The following CHEK1 variants were observed in gnomAD, a reference collection of about 807,000 sequenced individuals.
CHEK1 encodes checkpoint kinase 1.
CHEK1 carries 32 observed loss-of-function variants against 60.2 expected under a neutral mutation model. That is an observed-to-expected ratio of 0.53 (90% CI 0.40 to 0.71). CHEK1 has a LOEUF of 0.71. Ranked by LOEUF, CHEK1 falls within the 30% of genes least tolerant of loss-of-function variation. CHEK1 has a pLI of 0.00. For missense variants in CHEK1, 399 were observed against 564.6 expected (o/e 0.71, Z 2.97); for synonymous variants, 179 against 187.2 (o/e 0.96, Z 0.36).
rs1349659251 is a variant in CHEK1, at chr11:125,625,557, C to G, written c.-476C>G. Reference sequence around the variant, plus strand: ...TGATCCTCACAGTCCTGTCCGGTGGCCTCACGCAGGTGGCGGTGCAGCCTT... The same window carrying G: ...TGATCCTCACAGTCCTGTCCGGTGGGCTCACGCAGGTGGCGGTGCAGCCTT... On this transcript the variant is annotated 5_prime_UTR_variant, in exon 1 of 13. Coordinates refer to ENST00000438015, the MANE Select transcript of CHEK1 (RefSeq NM_001114122.3). 8 of 587,694 alleles carry G rather than the reference C, an allele frequency of 1.4e-5. No individual in the cohort carries two copies. Among genetic ancestry groups the G allele is most frequent in the Non-Finnish European group, 2.4e-5 (8 of 329,108 alleles). 36.4% of individuals were successfully genotyped at this position (587,694 alleles called of 1,614,324 possible).
chr11:125,655,114 A>G, intron 12 of CHEK1, 111 bp from the exon 13 acceptor site: 1 of 722,804 alleles, frequency 1.4e-6, no homozygotes, highest in South Asian at 1.9e-5. Flanking sequence ...GTAGCTAGAC[A>G]TACCTAAAGA....
intron 6 of CHEK1, 141 bp downstream of exon 6, chr11:125,633,492 A>G (rs1235628886): frequency 3.0e-6 from 2 of 663,544 alleles, no homozygotes; most frequent in East Asian, 6.8e-5. Flanking sequence ...ACTCTTGGCC[A>G]GACTGGAGTA....
intron 8 of CHEK1, among the ~76,000 whole-genome samples, chr11:125,640,866 C>A (rs1455226941): frequency 6.6e-6 from 1 of 152,084 alleles, no homozygotes; most frequent in South Asian, 2.1e-4. Flanking sequence ...TGGGCTTAAG[C>A]AATCCACCCA....
intron 8 of CHEK1, among the ~76,000 whole-genome samples, chr11:125,638,989 C>G (rs1004924693): frequency 2.0e-5 from 3 of 152,152 alleles, no homozygotes; most frequent in Non-Finnish European, 4.4e-5. Context: ...TCTGGACTTG[C>G]AATTAATTAA....
rs1323581880 is a variant in CHEK1 at position 125,656,306 on chromosome 11, G to C, written c.*986G>C. 4.7e-6 allele frequency: 1 copy of C among 211,914 alleles called. No individual in the cohort carries two copies. Among genetic ancestry groups the C allele is most frequent in the East Asian group, 7.0e-5 (1 of 14,206 alleles). 13.1% of individuals were successfully genotyped at this position (211,914 alleles called of 1,614,324 possible). A position where few individuals can be genotyped will look rare whatever the true frequency, so the allele number is the denominator to read the frequency against. On this transcript the variant is annotated 3_prime_UTR_variant, in exon 13 of 13. Coordinates refer to ENST00000438015, the MANE Select transcript of CHEK1 (RefSeq NM_001114122.3). ...TTTGAGGCTGTAGTGAGCTATGATT[G>C]CACCAGTGCACTCCAGCTTGGATGA...
chr11:125,644,425 A>G, intron 10 of CHEK1, 87 bp from the exon 11 acceptor site: 2 of 1,526,156 alleles, frequency 1.3e-6, no homozygotes, highest in Non-Finnish European at 1.8e-6. Flanking sequence ...CTTCATGCAA[A>G]ATAATTTTAA....
chr11:125,677,901 G>C (rs760524369), downstream of CHEK1: 8 of 1,613,994 alleles, frequency 5.0e-6, no homozygotes, highest in Admixed American at 1.7e-5. Context: ...CTGTTCACCG[G>C]AGCCATGTTC....
At chr11:125,631,884 AAAAAG>A (rs1246701815) in intron 5 of CHEK1, among the ~76,000 whole-genome samples, 2 of 150,914 alleles carry the variant, frequency 1.3e-5, no homozygotes, top group Non-Finnish European at 3.0e-5. Context: ...AAAAAAAAAA[AAAAAG>A]GGTAATCACA....
chr11:125,626,417 A>AC (rs1355853733), intron 1 of CHEK1: 2 of 433,006 alleles, frequency 4.6e-6, no homozygotes, highest in Non-Finnish European at 8.3e-6. Flanking sequence ...TCTTCCCCAG[A>AC]CCCCCACCTC....
At chr11:125,645,967 A>G (rs1941485622) in intron 11 of CHEK1, among the ~76,000 whole-genome samples, 1 of 152,182 alleles carries the variant, frequency 6.6e-6, no homozygotes, top group Admixed American at 6.5e-5. Context: ...GTAGACTCAG[A>G]GATAAAATTT....
At chr11:125,626,994 A>T (rs966458206) in intron 2 of CHEK1, among the ~76,000 whole-genome samples, 161 bp downstream of exon 2, 3 of 149,252 alleles carry the variant, frequency 2.0e-5, no homozygotes, top group African/African-American at 7.4e-5. Context: ...CCTTCCCTTT[A>T]AAAAAAAAAG....
chr11:125,628,025 T>A (rs994063391), intron 3 of CHEK1, among the ~76,000 whole-genome samples, 195 bp downstream of exon 3: 3 of 152,214 alleles, frequency 2.0e-5, no homozygotes, highest in Non-Finnish European at 4.4e-5. Context: ...AAAGAAAACT[T>A]CTTTCCCAAG....
chr11:125,649,027 G>T (rs753536178), intron 11 of CHEK1, among the ~76,000 whole-genome samples: 111 of 152,136 alleles, frequency 7.3e-4, no homozygotes, highest in Non-Finnish European at 1.4e-3. Context: ...GTGTTTACCA[G>T]GCTGGCCTTG....
downstream of CHEK1, among the ~76,000 whole-genome samples, chr11:125,677,641 T>G (rs1189132649): frequency 6.6e-6 from 1 of 152,206 alleles, no homozygotes. Flanking sequence ...CCTCTTGGTA[T>G]GATTGTGACG....
At position 125,626,795 on chromosome 11, in the gene CHEK1, G is replaced by A. The variant is rs1940632258; in HGVS notation, c.27G>A (p.Trp9Ter). 6.2e-7 allele frequency: 1 copy of A among 1,614,006 alleles called. No homozygotes were observed. The highest frequency in any genetic ancestry group is 8.5e-7 in the Non-Finnish European group (1 of 1,180,030). MAVPFVED[W>*]DLVQTLGEGA... ...TGGCAGTGCCCTTTGTGGAAGACTGGGACTTGGTGCAAACCCTGGGAGAAG... is the reference window on the plus strand; with the variant it reads ...TGGCAGTGCCCTTTGTGGAAGACTGAGACTTGGTGCAAACCCTGGGAGAAG... The change falls in exon 2 of 13, where the codon TGG becomes TGA. Residue 9 changes from tryptophan (W) to a stop codon, truncating the protein, a stop_gained. Coordinates refer to ENST00000438015, the MANE Select transcript of CHEK1 (RefSeq NM_001114122.3). LOFTEE classifies it high-confidence loss of function.
At chr11:125,675,529 C>T (rs939199904) in intron 13 of CHEK1, among the ~76,000 whole-genome samples, 2 of 152,126 alleles carry the variant, frequency 1.3e-5, no homozygotes, top group African/African-American at 4.8e-5. Context: ...AGGAGTCAGG[C>T]AGTGTGGTTC....
intron 7 of CHEK1, among the ~76,000 whole-genome samples, chr11:125,636,296 A>G (rs1190585406): frequency 2.0e-5 from 3 of 152,186 alleles, no homozygotes; most frequent in African/African-American, 7.2e-5. Flanking sequence ...GTAGGTCTAC[A>G]TCGTTGGTTT....
chr11:125,644,748 C>T, intron 11 of CHEK1, 105 bp downstream of exon 11: 2 of 1,276,336 alleles, frequency 1.6e-6, no homozygotes, highest in South Asian at 3.1e-5. Context: ...GTGGCTCACA[C>T]CTGTAATCCC....
intron 13 of CHEK1, among the ~76,000 whole-genome samples, chr11:125,669,820 G>A (rs768947012): frequency 4.6e-5 from 7 of 152,028 alleles, no homozygotes; most frequent in Non-Finnish European, 7.4e-5. Context: ...CACTGTGCCC[G>A]ACCATGCCTA....
Sources: gnomAD v4.1 joint callset for allele counts (sites outside exome capture counted in the v4.1 genomes callset) on GRCh38, gnomAD v4.1.1 for gene constraint, MANE v1.5 for transcripts, NCBI Gene and HGNC (gene_info 2026-07-23, HGNC 2026-07-21) for gene names.